Variants in NFYB observed in about 807,000 individuals in gnomAD.
NFYB encodes CAAT box DNA-binding protein subunit B.
NFYB carries 13 observed loss-of-function variants against 28.0 expected under a neutral mutation model. The observed-to-expected ratio is 0.46, with a 90% CI of 0.30 to 0.74. The LOEUF (loss-of-function observed/expected upper bound fraction) is 0.74, where lower values mean the gene tolerates loss of function less well. NFYB is among the 30% of genes least tolerant of loss of function. The probability of loss-of-function intolerance (pLI) is 0.07; values close to 1 mark genes in which losing one functional copy is unlikely to be tolerated. For synonymous variants in NFYB, 74 were observed against 75.0 expected (o/e 0.99, Z 0.07); for missense variants, 142 against 247.6 (o/e 0.57, Z 2.86).
In NFYB at chr12:104,121,224, T is replaced by A; in HGVS notation, c.511+16A>T. 1 of 1,595,498 alleles carries A rather than the reference T, an allele frequency of 6.3e-7. No individual in the cohort carries two copies. Among genetic ancestry groups the A allele is most frequent in the South Asian group, 1.1e-5 (1 of 90,390 alleles). On this transcript the variant is annotated intron_variant, in intron 6 of 7. Coordinates refer to ENST00000240055, the MANE Select transcript of NFYB (RefSeq NM_006166.4). ...TTGCTAACAATCTACATGACTTGTA[T>A]TATAACAATGCTTACTAAATGCCTC...
chr12:104,132,340 T>A (rs112786467), intron 2 of NFYB, among the ~76,000 whole-genome samples: 2,391 of 151,470 alleles, frequency 0.016, 66 homozygotes, highest in African/African-American at 0.055. Context: ...AGGGGCTAGA[T>A]CAAGCAGTGT....
At chr12:104,131,508 C>G (rs1398549396) in intron 2 of NFYB, 4 of 258,832 alleles carry the variant, frequency 1.5e-5, no homozygotes, top group Non-Finnish European at 3.1e-5. Context: ...AATTCAAAAA[C>G]AAATGTTCTG....
intron 1 of NFYB, chr12:104,137,783 G>A (rs972620251): frequency 6.8e-6 from 1 of 147,506 alleles, no homozygotes; most frequent in Non-Finnish European, 1.5e-5. Flanking sequence ...AAATGGAGCC[G>A]GCCCGGGACG....
At chr12:104,121,112 A>G in intron 6 of NFYB, 128 bp downstream of exon 6, 1 of 726,902 alleles carries the variant, frequency 1.4e-6, no homozygotes, top group Non-Finnish European at 2.3e-6. Context: ...AAGGGCATGA[A>G]CTGATAAGAA....
At chr12:104,124,613 T>C (rs10861160) in intron 4 of NFYB, among the ~76,000 whole-genome samples, 36,876 of 152,144 alleles carry the variant, frequency 0.24, 4,711 homozygotes, top group East Asian at 0.43. Flanking sequence ...TTTAACCCAA[T>C]ATAGCCAAAT....
chr12:104,122,219 A>G (rs1188780509), intron 5 of NFYB, among the ~76,000 whole-genome samples: 1 of 152,198 alleles, frequency 6.6e-6, no homozygotes, highest in African/African-American at 2.4e-5. Context: ...CAGATGAGGA[A>G]ACCAAGGCCT....
At chr12:104,121,105 G>A in intron 6 of NFYB, 135 bp downstream of exon 6, 1 of 694,922 alleles carries the variant, frequency 1.4e-6, no homozygotes, top group Non-Finnish European at 2.5e-6. Context: ...CAAATAAAAG[G>A]GCATGAACTG....
chr12:104,124,219 C>T (rs892341900), intron 4 of NFYB, among the ~76,000 whole-genome samples: 19 of 152,150 alleles, frequency 1.2e-4, no homozygotes, highest in African/African-American at 4.6e-4. Context: ...GAAATGATAA[C>T]ATACGGTGAC....
In NFYB at chr12:104,119,651, TC is replaced by T; in HGVS notation, c.*85del. 4 of 939,480 alleles carry T rather than the reference TC, an allele frequency of 4.3e-6. No individual in the cohort carries two copies. Among genetic ancestry groups the T allele is most frequent in the Non-Finnish European group, 5.0e-6 (3 of 603,362 alleles). 58.2% of individuals were successfully genotyped at this position (939,480 alleles called of 1,614,324 possible). On this transcript the variant is annotated 3_prime_UTR_variant, in exon 8 of 8. Coordinates refer to ENST00000240055, the MANE Select transcript of NFYB (RefSeq NM_006166.4). ...TATTAATATACAAAGATACATCTTT[TC>T]ACCAGTCTTTCCTTCTGATGTCTCT...
rs1170619344 is a variant in NFYB, at chr12:104,126,228, C to A, written c.117G>T (p.Met39Ile). The change falls in exon 4 of 8, where the codon ATG becomes ATT. Residue 39 changes from methionine (M) to isoleucine (I), a missense_variant. Met to Ile is a conservative substitution (Grantham distance 10). This residue lies in a region of NFYB where 54 missense variants were observed against 58.1 expected (regional missense o/e 0.93). Coordinates refer to ENST00000240055, the MANE Select transcript of NFYB (RefSeq NM_006166.4). Reference sequence around the variant, plus strand: ...AACCATTTGTGTCTTCATGATCATTCATGCTGTCCTCAGTATCTAAAGAAA... The same window carrying A: ...AACCATTTGTGTCTTCATGATCATTAATGCTGTCCTCAGTATCTAAAGAAA... The part of the protein sequence containing the change: ...IQPHDDTEDS[M>I]NDHEDTNGSK... The A allele has an allele frequency of 1.3e-6, 2 of 1,593,938 alleles. No individual in the cohort carries two copies. The highest frequency in any genetic ancestry group is 1.7e-6 in the Non-Finnish European group (2 of 1,172,116).
intron 1 of NFYB, among the ~76,000 whole-genome samples, chr12:104,136,463 C>G (rs1044060937): frequency 2.0e-5 from 3 of 152,150 alleles, no homozygotes; most frequent in Non-Finnish European, 1.5e-5. Context: ...AACTGCTTGA[C>G]GTTTGCTATA....
intron 2 of NFYB, 139 bp from the exon 3 acceptor site, chr12:104,128,656 TTC>T: frequency 4.2e-6 from 2 of 473,260 alleles, no homozygotes; most frequent in Non-Finnish European, 7.4e-6. Context: ...GAATTTATAT[TTC>T]TTTTTTAAAA....
intron 2 of NFYB, among the ~76,000 whole-genome samples, chr12:104,135,240 C>A (rs958481687): frequency 2.0e-4 from 31 of 152,164 alleles, no homozygotes; most frequent in African/African-American, 7.0e-4. Context: ...TACCCTGTAG[C>A]CTCAACAGCA....
Position 104,135,539 on chromosome 12 carries a change from G to A in NFYB, c.-79-7C>T, listed in dbSNP as rs1593639582. ...TAATCTTTGTGATTTCAACCTAAAA[G>A]ATAAACATCTATTAGGACCTAACAT... On this transcript the variant is annotated splice_region_variant and splice_polypyrimidine_tract_variant and intron_variant, in intron 1 of 7. Coordinates refer to ENST00000240055, the MANE Select transcript of NFYB (RefSeq NM_006166.4). 1.4e-5 allele frequency: 17 copies of A among 1,255,132 alleles called. No homozygotes were observed. In the East Asian group the frequency reaches 4.1e-4, roughly 30 times the overall value. 77.7% of individuals were successfully genotyped at this position (1,255,132 alleles called of 1,614,324 possible). A position where few individuals can be genotyped will look rare whatever the true frequency, so the allele number is the denominator to read the frequency against.
chr12:104,117,742 G>T lies in NFYB; in HGVS notation c.*1995C>A, dbSNP rs1010281289. 6.6e-6 allele frequency: 1 copy of T among 152,066 alleles called. No homozygotes were observed. Among genetic ancestry groups the T allele is most frequent in the Non-Finnish European group, 1.5e-5 (1 of 68,012 alleles). The allele number at this position is 152,066 out of a possible 1,614,324, so 9.4% of individuals were successfully genotyped here. On this transcript the variant is annotated 3_prime_UTR_variant, in exon 8 of 8. Coordinates refer to ENST00000240055, the MANE Select transcript of NFYB (RefSeq NM_006166.4). The stretch of plus-strand genomic sequence containing the variant: ...CCTTTTTTATCTTCATTCTCTACTT[G>T]AACAAATATTAATCTTTAAAATAAT...
At chr12:104,126,665 T>C (rs1226069591) in intron 3 of NFYB, among the ~76,000 whole-genome samples, 1 of 152,208 alleles carries the variant, frequency 6.6e-6, no homozygotes, top group Non-Finnish European at 1.5e-5. Flanking sequence ...AGCTTTGTGT[T>C]TCCTACAGCT....
At chr12:104,120,575 C>T in intron 6 of NFYB, 96 bp from the exon 7 acceptor site, 1 of 818,032 alleles carries the variant, frequency 1.2e-6, no homozygotes, top group Non-Finnish European at 2.1e-6. Context: ...CATTACAATT[C>T]TGCCCGGTAT....
rs2031096485 is a variant in NFYB, at chr12:104,136,243, A to G, written c.-79-711T>C. On this transcript the variant is annotated intron_variant, in intron 1 of 7. Coordinates refer to ENST00000240055, the MANE Select transcript of NFYB (RefSeq NM_006166.4). ...TACCAATTGCTGTGTTACAAGTTTC[A>G]TTTCTCATTTGCTCCATTCTTTCTC... is the stretch of plus-strand genomic sequence containing the variant. Among the ~76,000 whole-genome samples, 3 of 152,166 alleles carry G rather than the reference A, an allele frequency of 2.0e-5. No individual in the cohort carries two copies. In the South Asian group the frequency reaches 6.2e-4, roughly 31 times the overall value.
At chr12:104,137,508 G>T (rs933611656) in intron 1 of NFYB, 4 of 151,906 alleles carry the variant, frequency 2.6e-5, no homozygotes, top group Non-Finnish European at 4.4e-5. Flanking sequence ...CCACGGCCTG[G>T]TCCCGGCGAC....
Sources: gnomAD v4.1 joint callset for allele counts (sites outside exome capture counted in the v4.1 genomes callset) on GRCh38, gnomAD v4.1.1 for gene constraint, gnomAD v4.1.1 regional missense constraint, MANE v1.5 for transcripts, NCBI Gene and HGNC (gene_info 2026-07-23, HGNC 2026-07-21) for gene names.